Variants in NUP107 observed in about 807,000 individuals in gnomAD.
NUP107 encodes nuclear pore complex protein Nup107.
Under a neutral mutation model 141.0 loss-of-function variants are expected in NUP107, and 101 were observed. The ratio of observed to expected loss-of-function variants is 0.72; its 90% CI spans 0.61 to 0.84. The LOEUF (loss-of-function observed/expected upper bound fraction) is 0.84. Ranked by LOEUF, NUP107 falls within the 40% of genes least tolerant of loss-of-function variation. The pLI is 0.00. For missense variants in NUP107, 941 were observed against 1,102.7 expected (o/e 0.85, Z 2.08); for synonymous variants, 319 against 363.9 (o/e 0.88, Z 1.41).
rs1565703229 is a variant in NUP107, at chr12:68,733,526, C to T, written c.2176C>T (p.Gln726Ter). The change falls in exon 24 of 28, where the codon CAG becomes TAG. Residue 726 changes from glutamine (Q) to a stop codon, truncating the protein, a stop_gained. Coordinates refer to ENST00000229179, the MANE Select transcript of NUP107 (RefSeq NM_020401.4). LOFTEE classifies it high-confidence loss of function. ...PQDSIAEIYN[Q>*]CEEQGMESPL... ...GGATTCTATAGCAGAAATCTATAAT[C>T]AGTGCGAGGAACAAGGAATGGAAAG... is the stretch of plus-strand genomic sequence containing the variant. The T allele has an allele frequency of 6.2e-7, 1 of 1,613,244 alleles. No homozygotes were observed. The highest frequency in any genetic ancestry group is 1.3e-5 in the African/African-American group (1 of 74,884).
At chr12:68,739,266 A>C (rs538256382) in intron 26 of NUP107, among the ~76,000 whole-genome samples, 15 of 152,296 alleles carry the variant, frequency 9.8e-5, no homozygotes, top group East Asian at 9.6e-4. Flanking sequence ...ACTTAGCACA[A>C]TCTGATATAA....
chr12:68,728,671 A>G (rs1371207657), intron 20 of NUP107, among the ~76,000 whole-genome samples: 1 of 150,386 alleles, frequency 6.6e-6, no homozygotes, highest in Non-Finnish European at 1.5e-5. Context: ...CAGTCTCCCA[A>G]AGAGCTGGGA....
intron 5 of NUP107, 80 bp from the exon 6 acceptor site, chr12:68,696,739 A>C (rs1190747927): frequency 2.6e-6 from 2 of 770,446 alleles, no homozygotes; most frequent in Non-Finnish European, 4.1e-6. Flanking sequence ...AAATAAATAC[A>C]TTTTCAAACA....
At chr12:68,727,272 A>G in intron 19 of NUP107, 79 bp from the exon 20 acceptor site, 1 of 715,880 alleles carries the variant, frequency 1.4e-6, no homozygotes, top group Non-Finnish European at 2.4e-6. Flanking sequence ...AAATTATTTA[A>G]TAATGGAATT....
chr12:68,735,266 CCTAA>C lies in NUP107; in HGVS notation c.2427_2430del (p.Thr810LeufsTer3). On this transcript the variant is annotated frameshift_variant, in exon 26 of 28. Transcript: ENST00000229179. LOFTEE classifies it high-confidence loss of function. ...GTATTTGGAAAGGGCATTTGGATGCCCTAACTGCTGATGTGAAGGAGAAAATGTA... is the reference window on the plus strand; with the variant it reads ...GTATTTGGAAAGGGCATTTGGATGCCCTGCTGATGTGAAGGAGAAAATGTA... 1 of 1,613,766 alleles carries C rather than the reference CCTAA, an allele frequency of 6.2e-7. No homozygotes were observed. The highest frequency in any genetic ancestry group is 1.3e-5 in the African/African-American group (1 of 74,964).
rs1272116373 is a variant in NUP107 at position 68,744,622 on chromosome 12, G to C, written c.*2160G>C. On this transcript the variant is annotated 3_prime_UTR_variant, in exon 28 of 28. Coordinates refer to ENST00000229179, the MANE Select transcript of NUP107 (RefSeq NM_020401.4). ...TGGTCTCAAACTCTTGACCTCAAGT[G>C]ATCCACTCGCCTCGATCTCTCAAAG... is the stretch of plus-strand genomic sequence containing the variant. The C allele has an allele frequency of 1.3e-5, 2 of 152,310 alleles. No homozygotes were observed. The highest frequency in any genetic ancestry group is 2.4e-5 in the African/African-American group (1 of 41,452). 9.4% of individuals were successfully genotyped at this position (152,310 alleles called of 1,614,324 possible). A position where few individuals can be genotyped will look rare whatever the true frequency, so the allele number is the denominator to read the frequency against.
intron 8 of NUP107, among the ~76,000 whole-genome samples, chr12:68,703,095 C>G (rs555841004): frequency 6.6e-6 from 1 of 152,296 alleles, no homozygotes; most frequent in East Asian, 1.9e-4. Context: ...ATCCACCCAC[C>G]TTGGCCGCCC....
chr12:68,709,423 T>G lies in NUP107; in HGVS notation c.801+114T>G, dbSNP rs184445298. 1,265 of 583,986 alleles carry G rather than the reference T, an allele frequency of 2.2e-3. 3 individuals carry two copies. The highest frequency in any genetic ancestry group is 3.2e-3 in the Non-Finnish European group (1,071 of 339,694). The allele number at this position is 583,986 out of a possible 1,614,324, so 36.2% of individuals were successfully genotyped here. ...CTGTTTTCTGAATTTTTTTTCTACT[T>G]GATCTTTTTATTTGCAATTAAAAGG... On this transcript the variant is annotated intron_variant, in intron 9 of 27. Transcript: ENST00000229179.
rs979658305 is a variant in NUP107 at position 68,745,622 on chromosome 12, G to A, written c.*3160G>A. 6.6e-6 allele frequency: 1 copy of A among 152,100 alleles called. No homozygotes were observed. The highest frequency in any genetic ancestry group is 1.5e-5 in the Non-Finnish European group (1 of 68,032). 9.4% of individuals were successfully genotyped at this position (152,100 alleles called of 1,614,324 possible). ...TACGTTTTTTTCTCGAGTTGTAAGTGAACACAGTAGCACTCGTTTACATTG... is the reference window on the plus strand; with the variant it reads ...TACGTTTTTTTCTCGAGTTGTAAGTAAACACAGTAGCACTCGTTTACATTG... On this transcript the variant is annotated 3_prime_UTR_variant, in exon 28 of 28. Coordinates refer to ENST00000229179, the MANE Select transcript of NUP107 (RefSeq NM_020401.4).
chr12:68,709,147 C>A, intron 8 of NUP107, 91 bp from the exon 9 acceptor site: 1 of 849,056 alleles, frequency 1.2e-6, no homozygotes, highest in Non-Finnish European at 1.9e-6. Flanking sequence ...GTACTTGTTT[C>A]ATACTGGCTT....
At chr12:68,731,075 T>C in intron 20 of NUP107, 35 bp from the exon 21 acceptor site, 1 of 1,421,814 alleles carries the variant, frequency 7.0e-7, no homozygotes, top group Non-Finnish European at 9.6e-7. Context: ...TTTAATTTTA[T>C]TATTGACATA....
intron 8 of NUP107, among the ~76,000 whole-genome samples, chr12:68,705,455 A>G (rs974842378): frequency 7.9e-5 from 12 of 151,852 alleles, no homozygotes; most frequent in African/African-American, 2.9e-4. Flanking sequence ...TTTACAGTTA[A>G]GTATAGTCAG....
rs555498953 is a variant in NUP107 at position 68,712,136 on chromosome 12, A to T, written c.891-1594A>T. 1.2e-4 allele frequency among the ~76,000 whole-genome samples: 18 copies of T among 152,234 alleles called. No individual in the cohort carries two copies. The South Asian group carries it at 3.7e-3, about 32-fold the overall frequency. On this transcript the variant is annotated intron_variant, in intron 10 of 27. Transcript: ENST00000229179. ...ATTTTAAGTCTTGCAAAAGATTTTTAAAAGGTCAGATTGTGGCTGGGCATG... is the reference window on the plus strand; with the variant it reads ...ATTTTAAGTCTTGCAAAAGATTTTTTAAAGGTCAGATTGTGGCTGGGCATG...
rs571911065 is a variant in NUP107, at chr12:68,692,734, C to A, written c.448+622C>A. Among the ~76,000 whole-genome samples the A allele has an allele frequency of 7.3e-5, 11 of 151,224 alleles. No individual in the cohort carries two copies. The South Asian group carries it at 2.3e-3, about 32-fold the overall frequency. ...AATAGTTGGGACTGCAGGCATGTAC[C>A]ACCATGCCTAGCTAATTTTTTTTTT... On this transcript the variant is annotated intron_variant, in intron 5 of 27. Coordinates refer to ENST00000229179, the MANE Select transcript of NUP107 (RefSeq NM_020401.4).
Position 68,702,740 on chromosome 12 carries a change from A to C in NUP107, c.685A>C (p.Arg229=). 6.5e-6 allele frequency: 10 copies of C among 1,540,710 alleles called. No homozygotes were observed. Among genetic ancestry groups the C allele is most frequent in the Non-Finnish European group, 8.8e-6 (10 of 1,142,718 alleles). The change falls in exon 8 of 28, where the codon AGA becomes CGA. Residue 229 remains arginine, a synonymous_variant. Coordinates refer to ENST00000229179, the MANE Select transcript of NUP107 (RefSeq NM_020401.4). The part of the protein sequence containing the change: ...WRLLASLYRD[R]IQSALEEESV... ...TTTTGTCTTATTTTTCCCCAGAGAC[A>C]GAATACAGTCTGCATTAGAAGAGGA... is the stretch of plus-strand genomic sequence containing the variant.
rs772052793 is a variant in NUP107 at position 68,721,135 on chromosome 12, CGA to C, written c.1275_1276del (p.Arg425SerfsTer11). On this transcript the variant is annotated frameshift_variant, in exon 15 of 28. Coordinates refer to ENST00000229179, the MANE Select transcript of NUP107 (RefSeq NM_020401.4). LOFTEE classifies it high-confidence loss of function. ...MAEDELFNRYERAIYAALSGN... is the reference protein window; with the variant it reads ...MAEDELFNRYXRAIYAALSGN... ...TGTTTTAGGAGCTTTTTAATAGATA[CGA>C]GAGAGCAATTTATGCAGCTTTAAGT... 6.2e-6 allele frequency: 10 copies of C among 1,605,304 alleles called. No individual in the cohort carries two copies. Among genetic ancestry groups the C allele is most frequent in the South Asian group, 1.1e-5 (1 of 90,446 alleles).
rs1320578634 is a variant in NUP107, at chr12:68,718,885, TG to T, written c.1084-455del. Among the ~76,000 whole-genome samples the T allele has an allele frequency of 6.7e-4, 102 of 151,956 alleles. 1 individual carries two copies. The highest frequency in any genetic ancestry group is 3.9e-3 in the South Asian group (19 of 4,812). On this transcript the variant is annotated intron_variant, in intron 12 of 27. Transcript: ENST00000229179. ...ATGTATGTATGTATGTATGTATGTA[TG>T]TATGTATTTATTTAGTTTTTGAGAC...
At chr12:68,718,642 A>G (rs896145393) in intron 12 of NUP107, among the ~76,000 whole-genome samples, 3 of 152,080 alleles carry the variant, frequency 2.0e-5, no homozygotes, top group Admixed American at 2.0e-4. Context: ...TTAGAAATAA[A>G]AACAGGGCCA....
chr12:68,692,520 A>G (rs1346647284), intron 5 of NUP107, among the ~76,000 whole-genome samples: 1 of 151,570 alleles, frequency 6.6e-6, no homozygotes, highest in African/African-American at 2.4e-5. Flanking sequence ...CAGAGTTTGC[A>G]GTGAGCTGAG....
Sources: allele counts gnomAD v4.1 joint callset (sites outside exome capture counted in the v4.1 genomes callset), GRCh38; gene constraint gnomAD v4.1.1; transcripts MANE v1.5; gene names NCBI Gene and HGNC (gene_info 2026-07-23, HGNC 2026-07-21).